SERPINB6: variants seen among roughly 807,000 people sequenced by gnomAD.
The protein encoded by SERPINB6 is serpin B6.
SERPINB6 carries 16 observed loss-of-function variants against 26.1 expected under a neutral mutation model. The observed-to-expected ratio is 0.61, with a 90% CI of 0.42 to 0.93. The LOEUF is 0.93. Ranked by LOEUF, SERPINB6 falls within the 40% of genes least tolerant of loss-of-function variation. The pLI is 0.00. For missense variants in SERPINB6, 420 were observed against 478.0 expected, an observed-to-expected ratio of 0.88 and a Z score of 1.13; for synonymous variants, 174 against 176.6, an observed-to-expected ratio of 0.99 and a Z score of 0.11.
At chr6:2,956,612 A>G (rs13204531) in intron 2 of SERPINB6, 37,174 of 152,126 alleles carry the variant, frequency 0.24, 4,887 homozygotes, top group Non-Finnish European at 0.3. Flanking sequence ...ACCTGAGGTC[A>G]GGAATTTGAG....
intron 1 of SERPINB6, chr6:2,970,831 G>A (rs1772079179): frequency 8.1e-7 from 1 of 1,231,492 alleles, no homozygotes; most frequent in African/African-American, 1.6e-5. Context: ...TTGCCTGTAG[G>A]GAGTTTAATT....
chr6:2,954,310 C>T (rs1425194756), intron 4 of SERPINB6, among the ~76,000 whole-genome samples: 1 of 152,074 alleles, frequency 6.6e-6, no homozygotes, highest in Admixed American at 6.6e-5. Context: ...TAACCCCCTC[C>T]TCAAAATTAA....
Position 2,948,255 on chromosome 6 carries a change from G to C in SERPINB6, c.*43C>G. ...TTGCAGGCACACTGTGGAGTGTCAG[G>C]GGACAGAGAGGAGAGGGGCTGCACA... On this transcript the variant is annotated 3_prime_UTR_variant, in exon 7 of 7. Transcript: ENST00000380539. This position sits in a 1 kb window ranked among gnomAD's most constrained non-coding sequence, Gnocchi z 5.0. 1 of 1,611,126 alleles carries C rather than the reference G, an allele frequency of 6.2e-7. No individual in the cohort carries two copies. Among genetic ancestry groups the C allele is most frequent in the Non-Finnish European group, 8.5e-7 (1 of 1,178,878 alleles).
chr6:2,970,705 C>T (rs1394724030), intron 1 of SERPINB6: 5 of 1,200,476 alleles, frequency 4.2e-6, no homozygotes, highest in Non-Finnish European at 5.1e-6. Context: ...CCTCAGTTTT[C>T]CGAAGCCAAT....
At chr6:2,961,907 TAG>T in intron 1 of SERPINB6, 2 of 984,920 alleles carry the variant, frequency 2.0e-6, no homozygotes, top group Non-Finnish European at 2.4e-6. Context: ...TTTTTTTTTG[TAG>T]AGACAAGGTT....
At position 2,948,446 on chromosome 6, in the gene SERPINB6, G is replaced by T; in HGVS notation, c.983C>A (p.Thr328Lys). Residue 328 changes from threonine to lysine, a missense_variant, in exon 7 of 7, where the codon ACG (threonine) becomes AAG (lysine). Thr to Lys is a moderately conservative substitution (Grantham distance 78, BLOSUM62 -1). Transcript: ENST00000380539. This position sits in a 1 kb window ranked among gnomAD's most constrained non-coding sequence, Gnocchi z 5.0. ...KSFVEVNEEGTEAAAATAAIM... is the reference protein window; with the variant it reads ...KSFVEVNEEGKEAAAATAAIM... ...GGCAGCTGTGGCGGCTGCAGCCTCCGTGCCTTCCTCATTGACCTCCACAAA... is the reference window on the plus strand; with the variant it reads ...GGCAGCTGTGGCGGCTGCAGCCTCCTTGCCTTCCTCATTGACCTCCACAAA... 6.2e-7 allele frequency: 1 copy of T among 1,614,148 alleles called. No homozygotes were observed. Among genetic ancestry groups the T allele is most frequent in the Non-Finnish European group, 8.5e-7 (1 of 1,180,012 alleles).
rs1385358887 is a variant in SERPINB6, at chr6:2,953,065, C to T, written c.552G>A (p.Glu184=). The change falls in exon 5 of 7, where the codon GAG becomes GAA. Residue 184 remains glutamate (E), a synonymous_variant. Coordinates refer to ENST00000380539, the MANE Select transcript of SERPINB6 (RefSeq NM_004568.6). Reference sequence around the variant, plus strand: ...TCGCCTTGCTGACTTTAAACAGTCTCTCCTCGGTGTTCTCCTTGTCAAACT... The same window carrying T: ...TCGCCTTGCTGACTTTAAACAGTCTTTCCTCGGTGTTCTCCTTGTCAAACT... The part of the protein sequence containing the change: ...DEQFDKENTE[E]RLFKVSKNEE... 1 of 1,614,264 alleles carries T rather than the reference C, an allele frequency of 6.2e-7. No individual in the cohort carries two copies. The highest frequency in any genetic ancestry group is 1.1e-5 in the South Asian group (1 of 91,084).
intron 3 of SERPINB6, 69 bp downstream of exon 3, chr6:2,955,455 T>C: frequency 6.3e-7 from 1 of 1,596,186 alleles, no homozygotes; most frequent in South Asian, 1.1e-5. Flanking sequence ...ACACGCTTCC[T>C]GCTGGGCCCC....
At chr6:2,970,747 A>G in intron 1 of SERPINB6, 1 of 1,217,770 alleles carries the variant, frequency 8.2e-7, no homozygotes, top group Non-Finnish European at 1.0e-6. Context: ...AAAAAAAAGG[A>G]AGAAAATAAC....
At chr6:2,965,857 C>A (rs1771574312) in intron 1 of SERPINB6, among the ~76,000 whole-genome samples, 2 of 152,180 alleles carry the variant, frequency 1.3e-5, no homozygotes, top group African/African-American at 4.8e-5. Context: ...CAGGGTGGGG[C>A]TCCCTGGTTC....
intron 2 of SERPINB6, among the ~76,000 whole-genome samples, chr6:2,958,554 A>C (rs1397906137): frequency 2.6e-5 from 4 of 152,042 alleles, no homozygotes; most frequent in African/African-American, 9.7e-5. Context: ...CTGCTGAAGG[A>C]AGCATGTGGA....
chr6:2,971,651 G>A (rs879541482), upstream of SERPINB6: 2 of 152,120 alleles, frequency 1.3e-5, no homozygotes, highest in Admixed American at 1.3e-4. Flanking sequence ...TCGCCCGTCC[G>A]GAGCGCGAAG....
At chr6:2,954,090 C>T (rs1007452165) in intron 4 of SERPINB6, among the ~76,000 whole-genome samples, 1 of 150,690 alleles carries the variant, frequency 6.6e-6, no homozygotes, top group Non-Finnish European at 1.5e-5. Context: ...TGCATTCCAG[C>T]CTAGGTGACA....
At chr6:2,966,980 TG>T in intron 1 of SERPINB6, 1 of 985,486 alleles carries the variant, frequency 1.0e-6, no homozygotes. Flanking sequence ...AGGCACTTGC[TG>T]ATTTCCTCCA....
rs1363594148 is a variant in SERPINB6 at position 2,948,288 on chromosome 6, T to G, written c.*10A>C. 1 of 1,612,856 alleles carries G rather than the reference T, an allele frequency of 6.2e-7. No individual in the cohort carries two copies. Among genetic ancestry groups the G allele is most frequent in the East Asian group, 2.2e-5 (1 of 44,890 alleles). On this transcript the variant is annotated 3_prime_UTR_variant, in exon 7 of 7. Transcript: ENST00000380539. The surrounding 1 kb of genome is among the most constrained non-coding windows in gnomAD (Gnocchi z 5.0). ...GAGGAGAGGGGCTGCACACCAAGAC[T>G]GCCCTGTCCTCACGGAGAGGAAAAG...
intron 5 of SERPINB6, among the ~76,000 whole-genome samples, chr6:2,951,595 A>G (rs1461002068): frequency 6.6e-6 from 1 of 152,184 alleles, no homozygotes; most frequent in African/African-American, 2.4e-5. Context: ...GATTCACTAA[A>G]TACACAATTA....
chr6:2,971,640 G>A (rs1461487407), upstream of SERPINB6: 1 of 152,046 alleles, frequency 6.6e-6, no homozygotes, highest in African/African-American at 2.4e-5. Flanking sequence ...TCGAGCTACC[G>A]TCGCCCGTCC....
rs996320368 is a variant in SERPINB6 at position 2,955,733 on chromosome 6, C to G, written c.166-63G>C. ...TATGCTCTGACTTCAGGAAATGGGGCAACCCCAAACTCAGCCTAACAACCA... is the reference window on the plus strand; with the variant it reads ...TATGCTCTGACTTCAGGAAATGGGGGAACCCCAAACTCAGCCTAACAACCA... On this transcript the variant is annotated intron_variant, in intron 2 of 6. Transcript: ENST00000380539. 4.0e-5 allele frequency: 63 copies of G among 1,575,802 alleles called. 1 individual carries two copies. The Admixed American group carries it at 1.1e-3, about 26-fold the overall frequency.
In SERPINB6 at chr6:2,954,648, C is replaced by T; in HGVS notation, c.374G>A (p.Ser125Asn). Residue 125 changes from serine (S) to asparagine (N), a missense_variant, in exon 4 of 7, where the codon AGC (serine) becomes AAC (asparagine). Coordinates refer to ENST00000380539, the MANE Select transcript of SERPINB6 (RefSeq NM_004568.6). The part of the protein sequence containing the change: ...QAEMEELDFI[S>N]AVEKSRKHIN... Reference sequence around the variant, plus strand: ...GTGTTTTCTGGACTTCTCTACGGCGCTGATAAAGTCAAGCTCCTCCATCTC... The same window carrying T: ...GTGTTTTCTGGACTTCTCTACGGCGTTGATAAAGTCAAGCTCCTCCATCTC... 6.2e-7 allele frequency: 1 copy of T among 1,614,054 alleles called. No homozygotes were observed. The highest frequency in any genetic ancestry group is 8.5e-7 in the Non-Finnish European group (1 of 1,180,006).
Sources: allele counts gnomAD v4.1 joint callset (sites outside exome capture counted in the v4.1 genomes callset), GRCh38; gene constraint gnomAD v4.1.1; non-coding constraint Gnocchi (gnomAD v3.1); transcripts MANE v1.5; gene names NCBI Gene and HGNC (gene_info 2026-07-23, HGNC 2026-07-21).